Variants in C16orf96 observed in about 807,000 individuals in gnomAD.
The protein encoded by C16orf96 is uncharacterized protein C16orf96.
C16orf96 carries 108 observed loss-of-function variants against 103.6 expected under a neutral mutation model. The observed-to-expected ratio is 1.04, with a 90% CI of 0.89 to 1.22. The LOEUF is 1.22. C16orf96 is among the 50% of genes most tolerant of loss of function. The pLI is 0.00. For missense variants in C16orf96, 1,586 were observed against 1,464.2 expected (o/e 1.08, Z -1.36); for synonymous variants, 566 against 593.5 (o/e 0.95, Z 0.67).
chr16:4,551,746 C>T (rs577962986), upstream of C16orf96, among the ~76,000 whole-genome samples: 1 of 152,284 alleles, frequency 6.6e-6, no homozygotes, highest in Non-Finnish European at 1.5e-5. Flanking sequence ...GCCACCGCGC[C>T]TGGCCATTTG....
In C16orf96 at chr16:4,571,476, C is replaced by T. The variant is rs74429315; in HGVS notation, c.421-85C>T. 2.7e-4 allele frequency: 317 copies of T among 1,178,546 alleles called. 4 individuals are homozygous for T. The South Asian group carries it at 3.7e-3, about 14-fold the overall frequency. The allele number at this position is 1,178,546 out of a possible 1,614,324, so 73.0% of individuals were successfully genotyped here. A position where few individuals can be genotyped will look rare whatever the true frequency, so the allele number is the denominator to read the frequency against. ...AGAGCCAAGAGGACCTCTTGAACAA[C>T]GGCTATCATCAGAAAGCTTCTGCAC... On this transcript the variant is annotated intron_variant, in intron 1 of 15. Coordinates refer to ENST00000444310, the MANE Select transcript of C16orf96 (RefSeq NM_001145011.2).
intron 6 of C16orf96, among the ~76,000 whole-genome samples, chr16:4,579,592 A>G (rs2059557894): frequency 7.1e-6 from 1 of 139,954 alleles, no homozygotes; most frequent in Non-Finnish European, 1.5e-5. Flanking sequence ...GGCAGGTGGA[A>G]GGCACCCTGG....
chr16:4,575,382 G>A lies in C16orf96; in HGVS notation c.902G>A (p.Ser301Asn). ...EGSSAQAVSL[S>N]RAQEPAQPPA... Reference sequence around the variant, plus strand: ...TCATCTGCCCAAGCAGTTTCACTCAGCAGAGCCCAGGAGCCAGCGCAGCCT... The same window carrying A: ...TCATCTGCCCAAGCAGTTTCACTCAACAGAGCCCAGGAGCCAGCGCAGCCT... Residue 301 changes from serine to asparagine, a missense_variant, in exon 5 of 16, where the codon AGC becomes AAC. Physicochemically the swap from Ser to Asn is conservative, Grantham distance 46 (BLOSUM62 1). Transcript: ENST00000444310. The A allele has an allele frequency of 6.4e-7, 1 of 1,550,928 alleles. No homozygotes were observed. Among genetic ancestry groups the A allele is most frequent in the Non-Finnish European group, 8.7e-7 (1 of 1,146,984 alleles).
chr16:4,548,690 T>C, the C16orf96 span, among the ~76,000 whole-genome samples: 1 of 152,034 alleles, frequency 6.6e-6, no homozygotes. Context: ...CTGGCCAACA[T>C]GGTGAAACCC....
upstream of C16orf96, among the ~76,000 whole-genome samples, chr16:4,553,139 C>T (rs1265208866): frequency 6.6e-6 from 1 of 152,160 alleles, no homozygotes; most frequent in Non-Finnish European, 1.5e-5. Context: ...TACCTTTGCC[C>T]AGCTGTTATC....
chr16:4,540,134 G>A, the C16orf96 span, among the ~76,000 whole-genome samples: 3 of 152,284 alleles, frequency 2.0e-5, no homozygotes, highest in South Asian at 6.2e-4. Flanking sequence ...AGAACCCACT[G>A]GGTGGCTACT....
At chr16:4,589,131 C>G (rs760507021) in intron 9 of C16orf96, among the ~76,000 whole-genome samples, 6 of 152,176 alleles carry the variant, frequency 3.9e-5, no homozygotes, top group Non-Finnish European at 7.3e-5. Flanking sequence ...ACTTACGCAG[C>G]CAGGAGAGTG....
intron 2 of C16orf96, among the ~76,000 whole-genome samples, chr16:4,574,054 C>A (rs891185085): frequency 6.6e-6 from 1 of 151,874 alleles, no homozygotes; most frequent in African/African-American, 2.4e-5. Context: ...AGGCTGGTCC[C>A]GAACTCCTGA....
intron 1 of C16orf96, among the ~76,000 whole-genome samples, chr16:4,565,432 A>G (rs1465302902): frequency 6.6e-6 from 1 of 152,098 alleles, no homozygotes; most frequent in Non-Finnish European, 1.5e-5. Flanking sequence ...TGGGTGAGAA[A>G]CCTCTCACTG....
chr16:4,597,251 C>G (rs1377544252), intron 14 of C16orf96, among the ~76,000 whole-genome samples: 2 of 152,188 alleles, frequency 1.3e-5, no homozygotes, highest in Admixed American at 1.3e-4. Flanking sequence ...TCAGGGATCA[C>G]CAGGCAGGAT....
upstream of C16orf96, among the ~76,000 whole-genome samples, chr16:4,554,352 T>G (rs886125487): frequency 6.6e-6 from 1 of 151,404 alleles, no homozygotes; most frequent in African/African-American, 2.4e-5. Flanking sequence ...TTTCTTTTTC[T>G]TTTTCTTTTT....
intron 5 of C16orf96, among the ~76,000 whole-genome samples, chr16:4,577,292 G>T (rs1030601850): frequency 2.5e-4 from 38 of 152,210 alleles, no homozygotes; most frequent in African/African-American, 8.9e-4. Flanking sequence ...AGCACTTTGG[G>T]AGGCCAAGGC....
intron 1 of C16orf96, among the ~76,000 whole-genome samples, chr16:4,562,644 A>C (rs117631041): frequency 0.01 from 1,541 of 152,284 alleles, 13 homozygotes; most frequent in Non-Finnish European, 0.017. Context: ...AATTAGCTTC[A>C]TTCAACATTT....
chr16:4,556,186 C>CA (rs2059260726), upstream of C16orf96, among the ~76,000 whole-genome samples: 1 of 152,104 alleles, frequency 6.6e-6, no homozygotes, highest in South Asian at 2.1e-4. Flanking sequence ...AGGCTGCCAT[C>CA]AGCTATTCAA....
chr16:4,550,740 A>G, the C16orf96 span, among the ~76,000 whole-genome samples: 1 of 152,226 alleles, frequency 6.6e-6, no homozygotes, highest in Non-Finnish European at 1.5e-5. Flanking sequence ...TTCTAGCCTC[A>G]TGGTGCTGCT....
At chr16:4,547,610 C>T in the C16orf96 span, among the ~76,000 whole-genome samples, 2 of 148,460 alleles carry the variant, frequency 1.3e-5, no homozygotes, top group African/African-American at 4.9e-5. Context: ...TCTTTCCTTC[C>T]TTTCTTTCTT....
intron 9 of C16orf96, among the ~76,000 whole-genome samples, chr16:4,590,517 C>G (rs1876092858): frequency 6.6e-6 from 1 of 151,816 alleles, no homozygotes; most frequent in East Asian, 2.0e-4. Context: ...CAAGATCGCA[C>G]CATTGCACTC....
Position 4,575,596 on chromosome 16 carries a change from T to A in C16orf96, c.1116T>A (p.Pro372=), listed in dbSNP as rs2059494659. The stretch of plus-strand genomic sequence containing the variant: ...CAGCACCTTGGCCTGTGCTTGGACC[T>A]GTGCCTGCCCCAGGTGCCCAGCCTC... The part of the protein sequence containing the change: ...SLPAPWPVLG[P]VPAPGAQPPP... Residue 372 remains proline, a synonymous_variant, in exon 5 of 16, where the codon CCT becomes CCA. Transcript: ENST00000444310. 6.6e-7 allele frequency: 1 copy of A among 1,514,046 alleles called. No individual in the cohort carries two copies. The highest frequency in any genetic ancestry group is 2.2e-5 in the Admixed American group (1 of 45,796). 93.8% of individuals were successfully genotyped at this position (1,514,046 alleles called of 1,614,324 possible).
upstream of C16orf96, among the ~76,000 whole-genome samples, chr16:4,552,332 A>G (rs907447767): frequency 1.3e-5 from 2 of 152,056 alleles, no homozygotes; most frequent in Non-Finnish European, 2.9e-5. Context: ...AAATACAAAA[A>G]TTAGCCTGGC....
Sources: allele counts gnomAD v4.1 joint callset (sites outside exome capture counted in the v4.1 genomes callset), GRCh38; gene constraint gnomAD v4.1.1; transcripts MANE v1.5; gene names NCBI Gene and HGNC (gene_info 2026-07-23, HGNC 2026-07-21).